Variants in IPCEF1 observed in about 807,000 individuals in gnomAD.
The protein encoded by IPCEF1 is interaction protein for cytohesin exchange factors 1.
Under a neutral mutation model 50.9 loss-of-function variants are expected in IPCEF1, and 31 were observed. The observed-to-expected ratio is 0.61, with a 90% CI of 0.46 to 0.82. The LOEUF (loss-of-function observed/expected upper bound fraction) is 0.82. Ranked by LOEUF, IPCEF1 falls within the 40% of genes least tolerant of loss-of-function variation. The probability of loss-of-function intolerance (pLI) is 0.00; values close to 1 mark genes in which losing one functional copy is unlikely to be tolerated. For synonymous variants in IPCEF1, 181 were observed against 192.0 expected (o/e 0.94, Z 0.47); for missense variants, 458 against 514.0 (o/e 0.89, Z 1.05).
At chr6:154,161,593 G>T (rs931178405) in intron 11 of IPCEF1, among the ~76,000 whole-genome samples, 7 of 152,102 alleles carry the variant, frequency 4.6e-5, no homozygotes, top group Non-Finnish European at 5.9e-5. Context: ...CCCAAAATTG[G>T]ACTGATAAGC....
At chr6:154,331,415 AAAAGAAAGAGAGAGAGAG>A (rs1783668035) in intron 1 of IPCEF1, among the ~76,000 whole-genome samples, 1 of 57,684 alleles carries the variant, frequency 1.7e-5, no homozygotes, top group Non-Finnish European at 3.2e-5. Context: ...AAGAGAGAGA[AAAAGAAAGAGAGAGAGAG>A]AAAGAAAGAG....
At chr6:154,337,413 A>G (rs1287626350) in intron 1 of IPCEF1, among the ~76,000 whole-genome samples, 1 of 152,228 alleles carries the variant, frequency 6.6e-6, no homozygotes. Flanking sequence ...TCTGAATAAT[A>G]AAAAGGTTGC....
chr6:154,346,752 G>A (rs1784037163), intron 1 of IPCEF1, among the ~76,000 whole-genome samples: 1 of 152,142 alleles, frequency 6.6e-6, no homozygotes, highest in South Asian at 2.1e-4. Context: ...CAGATCTTGT[G>A]AGAACTCACT....
intron 5 of IPCEF1, among the ~76,000 whole-genome samples, chr6:154,242,803 G>A (rs538303014): frequency 2.8e-4 from 42 of 152,152 alleles, no homozygotes; most frequent in Admixed American, 9.8e-4. Flanking sequence ...CATGAGAATC[G>A]CTTGATCCTG....
intron 1 of IPCEF1, among the ~76,000 whole-genome samples, chr6:154,328,215 A>G (rs1783569656): frequency 6.6e-6 from 1 of 152,194 alleles, no homozygotes; most frequent in African/African-American, 2.4e-5. Flanking sequence ...TGCACCCCTG[A>G]ACTTAAAAGT....
chr6:154,163,304 A>C (rs147891193), intron 11 of IPCEF1, among the ~76,000 whole-genome samples: 240 of 152,220 alleles, frequency 1.6e-3, no homozygotes, highest in African/African-American at 5.4e-3. Flanking sequence ...TCCCGCCCCA[A>C]GGTGTTTGTG....
At chr6:154,237,383 G>A (rs984152701) in intron 5 of IPCEF1, among the ~76,000 whole-genome samples, 1 of 152,154 alleles carries the variant, frequency 6.6e-6, no homozygotes. Context: ...CACGGGGTCG[G>A]TAGGTGTATT....
At chr6:154,286,811 C>T (rs1037053228) in intron 2 of IPCEF1, among the ~76,000 whole-genome samples, 1 of 152,226 alleles carries the variant, frequency 6.6e-6, no homozygotes, top group Non-Finnish European at 1.5e-5. Context: ...TCTGAAAAAA[C>T]AAGTTGCTGG....
At chr6:154,264,107 T>C (rs991902089) in intron 3 of IPCEF1, among the ~76,000 whole-genome samples, 6 of 151,888 alleles carry the variant, frequency 4.0e-5, no homozygotes, top group Non-Finnish European at 8.8e-5. Flanking sequence ...GTTCCTCTTA[T>C]TTATGCTCCT....
intron 1 of IPCEF1, among the ~76,000 whole-genome samples, chr6:154,333,511 T>G (rs941252284): frequency 6.6e-6 from 1 of 151,982 alleles, no homozygotes; most frequent in Admixed American, 6.6e-5. Flanking sequence ...TTGTGGGACC[T>G]TGTGATCGTG....
chr6:154,352,615 C>T (rs1032067370), intron 1 of IPCEF1, among the ~76,000 whole-genome samples: 20 of 152,206 alleles, frequency 1.3e-4, no homozygotes, highest in African/African-American at 4.3e-4. Context: ...ACTATCTCTC[C>T]TTTCTAAGAC....
chr6:154,269,362 A>G (rs1781846247), intron 2 of IPCEF1, among the ~76,000 whole-genome samples: 1 of 152,178 alleles, frequency 6.6e-6, no homozygotes, highest in Admixed American at 6.5e-5. Flanking sequence ...AGTCACTGGC[A>G]TGGGTGGTGG....
At chr6:154,209,127 A>G (rs1485458904) in intron 9 of IPCEF1, among the ~76,000 whole-genome samples, 1 of 152,246 alleles carries the variant, frequency 6.6e-6, no homozygotes. Flanking sequence ...AGCAATTAGA[A>G]TGATTAGACT....
At chr6:154,174,310 T>A (rs1286435025) in intron 10 of IPCEF1, among the ~76,000 whole-genome samples, 1 of 152,104 alleles carries the variant, frequency 6.6e-6, no homozygotes, top group Non-Finnish European at 1.5e-5. Flanking sequence ...AGGATCAAAT[T>A]CACACATAAC....
chr6:154,268,237 G>C (rs1317215401), intron 2 of IPCEF1, among the ~76,000 whole-genome samples: 1 of 152,220 alleles, frequency 6.6e-6, no homozygotes, highest in Non-Finnish European at 1.5e-5. Flanking sequence ...AAGGACAGCA[G>C]GGGCCTTCCC....
rs117596585 is a variant in IPCEF1, at chr6:154,351,987, G to A, written c.-62+4685C>T. 1.4e-4 allele frequency among the ~76,000 whole-genome samples: 22 copies of A among 152,274 alleles called. No homozygotes were observed. The East Asian group carries it at 3.7e-3, about 25-fold the overall frequency. On this transcript the variant is annotated intron_variant, in intron 1 of 11. Coordinates refer to ENST00000367220, the MANE Select transcript of IPCEF1 (RefSeq NM_001130700.2). Reference sequence around the variant, plus strand: ...ACACACACTGAGGCCTGTGAGGGCCGGGGGAGAGGGAGAGCATCAGGAAGA... The same window carrying A: ...ACACACACTGAGGCCTGTGAGGGCCAGGGGAGAGGGAGAGCATCAGGAAGA...
chr6:154,239,850 T>A (rs1007072769), intron 5 of IPCEF1, among the ~76,000 whole-genome samples: 1 of 152,136 alleles, frequency 6.6e-6, no homozygotes, highest in African/African-American at 2.4e-5. Flanking sequence ...ACTACAGGCA[T>A]ATCCACCACG....
At chr6:154,318,372 T>G (rs79691623) in intron 1 of IPCEF1, among the ~76,000 whole-genome samples, 139 of 152,244 alleles carry the variant, frequency 9.1e-4, no homozygotes, top group African/African-American at 3.2e-3. Flanking sequence ...GAAGGTAATT[T>G]GAGAATATTA....
At chr6:154,188,832 T>C (rs1312447198) in intron 10 of IPCEF1, among the ~76,000 whole-genome samples, 1 of 152,152 alleles carries the variant, frequency 6.6e-6, no homozygotes, top group East Asian at 1.9e-4. Flanking sequence ...TGATATTGTA[T>C]CTCATTCATG....
Sources: gnomAD v4.1 joint callset for allele counts (sites outside exome capture counted in the v4.1 genomes callset) on GRCh38, gnomAD v4.1.1 for gene constraint, MANE v1.5 for transcripts, NCBI Gene and HGNC (gene_info 2026-07-23, HGNC 2026-07-21) for gene names.